Variants in MAML3 observed in about 807,000 individuals in gnomAD.
MAML3 encodes mastermind-like protein 3.
A neutral mutation model predicts 101.9 loss-of-function variants in MAML3; 27 were observed. The ratio of observed to expected loss-of-function variants is 0.27; its 90% CI spans 0.20 to 0.37. The LOEUF (loss-of-function observed/expected upper bound fraction) is 0.37. MAML3 is among the 10% of genes least tolerant of loss of function. The probability of loss-of-function intolerance (pLI) is 1.00; values close to 1 mark genes in which losing one functional copy is unlikely to be tolerated. For synonymous variants in MAML3, 501 were observed against 555.9 expected, an observed-to-expected ratio of 0.90 and a Z score of 1.39; for missense variants, 1,316 against 1,444.9, an observed-to-expected ratio of 0.91 and a Z score of 1.45.
intron 1 of MAML3, among the ~76,000 whole-genome samples, chr4:139,961,518 C>G (rs1351065128): frequency 6.6e-6 from 1 of 152,126 alleles, no homozygotes; most frequent in Admixed American, 6.5e-5. Context: ...CTGTTGTGGG[C>G]CCCCCTTTTT....
chr4:139,730,405 G>A lies in MAML3; in HGVS notation c.2331+11C>T. The A allele has an allele frequency of 6.5e-7, 1 of 1,547,410 alleles. No individual in the cohort carries two copies. On this transcript the variant is annotated intron_variant, in intron 3 of 4. Transcript: ENST00000509479. ...GAATGAATGAATGAATCACGCCAAG[G>A]GGCATGTTACCTGTTCCGCCAAAAT...
intron 2 of MAML3, among the ~76,000 whole-genome samples, chr4:139,773,764 TA>T (rs1341941707): frequency 6.6e-6 from 1 of 152,218 alleles, no homozygotes; most frequent in African/African-American, 2.4e-5. Context: ...CATATTGACA[TA>T]AAGATTGCCA....
intron 1 of MAML3, among the ~76,000 whole-genome samples, chr4:139,960,805 G>C (rs753045196): frequency 3.9e-5 from 6 of 152,142 alleles, no homozygotes; most frequent in Non-Finnish European, 1.5e-5. Flanking sequence ...GGACCTGTGA[G>C]GAAAACCTGG....
At chr4:139,820,213 A>G (rs1730952526) in intron 2 of MAML3, among the ~76,000 whole-genome samples, 1 of 149,474 alleles carries the variant, frequency 6.7e-6, no homozygotes, top group Non-Finnish European at 1.5e-5. Context: ...AATGTCATAG[A>G]TATCTCTGCT....
intron 2 of MAML3, among the ~76,000 whole-genome samples, chr4:139,782,411 C>T (rs1026925560): frequency 3.3e-5 from 5 of 152,140 alleles, no homozygotes; most frequent in Non-Finnish European, 7.3e-5. Flanking sequence ...AACCAGTCCT[C>T]CCACCTCAGC....
At chr4:139,743,568 G>A (rs141345456) in intron 2 of MAML3, among the ~76,000 whole-genome samples, 1 of 152,292 alleles carries the variant, frequency 6.6e-6, no homozygotes, top group Non-Finnish European at 1.5e-5. Flanking sequence ...ATACATGGCT[G>A]TAAACTTGCT....
intron 1 of MAML3, among the ~76,000 whole-genome samples, chr4:140,011,413 C>T (rs1215356080): frequency 1.5e-5 from 2 of 134,678 alleles, no homozygotes; most frequent in Non-Finnish European, 3.1e-5. Context: ...GGCGCAATCT[C>T]GGCTCACTGC....
intron 1 of MAML3, among the ~76,000 whole-genome samples, chr4:140,079,805 T>G (rs1368665902): frequency 6.6e-6 from 1 of 152,246 alleles, no homozygotes; most frequent in Non-Finnish European, 1.5e-5. Context: ...GTGCCATTTA[T>G]AGGCATTCAA....
chr4:139,722,101 G>A (rs1471321162), intron 4 of MAML3, among the ~76,000 whole-genome samples: 1 of 152,150 alleles, frequency 6.6e-6, no homozygotes, highest in African/African-American at 2.4e-5. Flanking sequence ...TAATGGATAT[G>A]GTAAAGGACT....
chr4:139,855,068 G>T (rs1251660049), intron 2 of MAML3, among the ~76,000 whole-genome samples: 3 of 152,204 alleles, frequency 2.0e-5, no homozygotes, highest in Non-Finnish European at 1.5e-5. Flanking sequence ...GAGCCTGGGG[G>T]TGGCTCTGCA....
chr4:140,019,821 AG>A (rs1237952986), intron 1 of MAML3, among the ~76,000 whole-genome samples: 1 of 152,202 alleles, frequency 6.6e-6, no homozygotes, highest in Non-Finnish European at 1.5e-5. Flanking sequence ...TTGGTATAAA[AG>A]GGTGCCTTTA....
At chr4:140,057,172 C>A (rs189535607) in intron 1 of MAML3, among the ~76,000 whole-genome samples, 34 of 152,084 alleles carry the variant, frequency 2.2e-4, no homozygotes, top group Non-Finnish European at 8.8e-5. Context: ...GCTATTTGGG[C>A]GGTTAATGTG....
At chr4:139,752,168 A>G (rs1480653339) in intron 2 of MAML3, among the ~76,000 whole-genome samples, 1 of 152,244 alleles carries the variant, frequency 6.6e-6, no homozygotes, top group Admixed American at 6.5e-5. Flanking sequence ...TTCCTATTTC[A>G]TTAGCTCTAA....
Position 140,145,878 on chromosome 4 carries a change from C to CT in MAML3, c.468+6981dup, listed in dbSNP as rs10625860. 5.9e-4 allele frequency among the ~76,000 whole-genome samples: 64 copies of CT among 108,494 alleles called. 1 individual carries two copies. The South Asian group carries it at 0.011, about 18-fold the overall frequency. 71.2% of individuals were successfully genotyped at this position (108,494 alleles called of 152,430 possible). A position where few individuals can be genotyped will look rare whatever the true frequency, so the allele number is the denominator to read the frequency against. The stretch of plus-strand genomic sequence containing the variant: ...GCGCCTGGCCTTTTTTTTCTTTTTT[C>CT]TTTTTTTTTTTTGAGAAGGATTTTT... On this transcript the variant is annotated intron_variant, in intron 1 of 4. Transcript: ENST00000509479.
chr4:139,955,335 T>A, intron 1 of MAML3, among the ~76,000 whole-genome samples: 1 of 152,098 alleles, frequency 6.6e-6, no homozygotes, highest in East Asian at 1.9e-4. Flanking sequence ...CTTTTTTTTT[T>A]AATCTAAAAG....
chr4:139,783,091 G>A (rs1372640777), intron 2 of MAML3, among the ~76,000 whole-genome samples: 1 of 152,128 alleles, frequency 6.6e-6, no homozygotes, highest in Middle Eastern at 3.4e-3. Context: ...TGAATGAAGG[G>A]GAAAAAAGGA....
chr4:140,018,518 A>G (rs1274262591), intron 1 of MAML3, among the ~76,000 whole-genome samples: 1 of 152,234 alleles, frequency 6.6e-6, no homozygotes, highest in Non-Finnish European at 1.5e-5. Flanking sequence ...AACTCCAAGC[A>G]AATAATAATC....
chr4:139,842,558 A>G (rs1004418876), intron 2 of MAML3, among the ~76,000 whole-genome samples: 6 of 151,858 alleles, frequency 4.0e-5, no homozygotes, highest in African/African-American at 1.5e-4. Flanking sequence ...TTGCTCTGCC[A>G]CCCAGGCTGG....
intron 1 of MAML3, among the ~76,000 whole-genome samples, chr4:139,991,592 T>C (rs1734673470): frequency 6.6e-6 from 1 of 152,220 alleles, no homozygotes; most frequent in Non-Finnish European, 1.5e-5. Flanking sequence ...ATAAATCTTG[T>C]TCTTGAAAAT....
Sources: allele counts gnomAD v4.1 joint callset (sites outside exome capture counted in the v4.1 genomes callset), GRCh38; gene constraint gnomAD v4.1.1; transcripts MANE v1.5; gene names NCBI Gene and HGNC (gene_info 2026-07-23, HGNC 2026-07-21).